The following PRKAG2 variants were observed in gnomAD, a reference collection of about 807,000 sequenced individuals.
The protein encoded by PRKAG2 is 5'-AMP-activated protein kinase subunit gamma-2.
A neutral mutation model predicts 69.6 loss-of-function variants in PRKAG2; 26 were observed. That is an observed-to-expected ratio of 0.37 (90% CI 0.27 to 0.52). The LOEUF (loss-of-function observed/expected upper bound fraction) is 0.52, where lower values mean the gene tolerates loss of function less well. Among genes scored for constraint, PRKAG2 ranks in the 20% least tolerant of loss-of-function variants. The pLI, the probability that PRKAG2 is intolerant of heterozygous loss-of-function variation, is 0.90. For missense variants in PRKAG2, 557 were observed against 740.0 expected (o/e 0.75, Z 2.87); for synonymous variants, 293 against 285.0 (o/e 1.03, Z -0.28).
chr7:151,744,977 A>G (rs539631688), intron 3 of PRKAG2, among the ~76,000 whole-genome samples: 1 of 152,326 alleles, frequency 6.6e-6, no homozygotes, highest in East Asian at 1.9e-4. Context: ...TCAAAAACCC[A>G]GAAGTTCAGA....
intron 5 of PRKAG2, among the ~76,000 whole-genome samples, chr7:151,607,576 TC>T (rs1817804286): frequency 6.6e-6 from 1 of 152,122 alleles, no homozygotes; most frequent in Non-Finnish European, 1.5e-5. Flanking sequence ...GCTCGTGTCC[TC>T]CCTACCTACA....
rs560873652 is a variant in PRKAG2, at chr7:151,593,181, A to G, written c.864+2164T>C. ...AAAGTCAAATCAGCTGTTACTTGTT[A>G]TTATTATTTTTTGAGAGTCTTGCTT... On this transcript the variant is annotated intron_variant, in intron 6 of 15. Transcript: ENST00000287878. Among the ~76,000 whole-genome samples, 9 of 152,178 alleles carry G rather than the reference A, an allele frequency of 5.9e-5. No homozygotes were observed. The South Asian group carries it at 1.9e-3, about 32-fold the overall frequency.
At chr7:151,621,078 A>C (rs1052267124) in intron 5 of PRKAG2, among the ~76,000 whole-genome samples, 1 of 152,198 alleles carries the variant, frequency 6.6e-6, no homozygotes, top group Non-Finnish European at 1.5e-5. Context: ...CTTGACCACA[A>C]TATATTCGGC....
chr7:151,865,561 C>T (rs2080043391), intron 1 of PRKAG2, among the ~76,000 whole-genome samples: 1 of 152,200 alleles, frequency 6.6e-6, no homozygotes, highest in Non-Finnish European at 1.5e-5. Flanking sequence ...ACACAACAGG[C>T]TGCGGTCAAT....
intron 3 of PRKAG2, among the ~76,000 whole-genome samples, chr7:151,701,886 G>A (rs77389131): frequency 1.3e-5 from 2 of 151,418 alleles, no homozygotes; most frequent in African/African-American, 2.4e-5. Context: ...AACTGCCAGA[G>A]GCCAGGAGGC....
chr7:151,727,721 G>A (rs887269767), intron 3 of PRKAG2, among the ~76,000 whole-genome samples: 7 of 152,060 alleles, frequency 4.6e-5, no homozygotes, highest in African/African-American at 7.2e-5. Context: ...GCGAGAAGGA[G>A]GGAGGGAGGG....
chr7:151,737,897 C>T (rs1440879863), intron 3 of PRKAG2, among the ~76,000 whole-genome samples: 2 of 151,662 alleles, frequency 1.3e-5, no homozygotes, highest in Non-Finnish European at 1.5e-5. Flanking sequence ...TCCCATGGGG[C>T]CTCCATCCAC....
intron 1 of PRKAG2, among the ~76,000 whole-genome samples, chr7:151,847,308 C>T (rs1458429547): frequency 6.6e-6 from 1 of 152,172 alleles, no homozygotes; most frequent in South Asian, 2.1e-4. Flanking sequence ...CCTGAGCTGC[C>T]GGTAATTTTC....
intron 3 of PRKAG2, among the ~76,000 whole-genome samples, chr7:151,769,869 C>T (rs113666297): frequency 4.6e-5 from 7 of 152,170 alleles, no homozygotes; most frequent in African/African-American, 7.2e-5. Context: ...CCCCAGAGTG[C>T]GTGTGTCCAC....
At chr7:151,654,666 G>C (rs867235023) in intron 4 of PRKAG2, among the ~76,000 whole-genome samples, 4 of 152,256 alleles carry the variant, frequency 2.6e-5, no homozygotes, top group Middle Eastern at 3.4e-3. Context: ...AGAGGAGGAG[G>C]AGAAATGTCA....
At chr7:151,774,192 CG>C (rs1236082333) in intron 3 of PRKAG2, among the ~76,000 whole-genome samples, 10 of 152,272 alleles carry the variant, frequency 6.6e-5, no homozygotes, top group African/African-American at 2.4e-4. Context: ...CGAATCCTCA[CG>C]CTACTGTACC....
chr7:151,805,476 A>G (rs1043099484), intron 1 of PRKAG2, among the ~76,000 whole-genome samples: 1 of 152,196 alleles, frequency 6.6e-6, no homozygotes, highest in African/African-American at 2.4e-5. Context: ...TTCAAATCAT[A>G]TTTTTAAGTT....
chr7:151,559,959 G>A (rs1804539157), intron 15 of PRKAG2: 5 of 985,230 alleles, frequency 5.1e-6, no homozygotes, highest in African/African-American at 1.7e-5. Flanking sequence ...GCCCTCTCCC[G>A]TTCTCTCTGC....
intron 3 of PRKAG2, among the ~76,000 whole-genome samples, chr7:151,680,281 T>C (rs1833649686): frequency 6.6e-6 from 1 of 152,134 alleles, no homozygotes; most frequent in Admixed American, 6.5e-5. Flanking sequence ...ATGGTGCTTT[T>C]AAAAGCAGAG....
chr7:151,599,501 A>C (rs730226), intron 5 of PRKAG2, among the ~76,000 whole-genome samples: 6,828 of 152,264 alleles, frequency 0.045, 499 homozygotes, highest in African/African-American at 0.16. Context: ...AAAACCCTTG[A>C]AGTCACCTAG....
chr7:151,777,109 G>A lies in PRKAG2; in HGVS notation c.466+4043C>T, dbSNP rs2151795059. 6.6e-6 allele frequency among the ~76,000 whole-genome samples: 1 copy of A among 152,306 alleles called. No homozygotes were observed. Among genetic ancestry groups the A allele is most frequent in the South Asian group, 2.1e-4 (1 of 4,832 alleles). On this transcript the variant is annotated intron_variant, in intron 3 of 15. Coordinates refer to ENST00000287878, the MANE Select transcript of PRKAG2 (RefSeq NM_016203.4). This position sits in a 1 kb window ranked among gnomAD's most constrained non-coding sequence, Gnocchi z 4.3. ...TCTCGGCCCCTGGCTTTAAGGAAAG[G>A]GTGGAGGGGAGTCTGGGAGCTTCCT...
At chr7:151,715,322 C>CAAAAAAAAAAAAAAAAAA (rs34971340) in intron 3 of PRKAG2, among the ~76,000 whole-genome samples, 1 of 62,458 alleles carries the variant, frequency 1.6e-5, no homozygotes, top group African/African-American at 7.1e-5. Context: ...GGCCTAAAAG[C>CAAAAAAAAAAAAAAAAAA]AAAAAAAAAA....
At chr7:151,563,958 T>C in intron 14 of PRKAG2, 120 bp downstream of exon 14, 1 of 1,377,342 alleles carries the variant, frequency 7.3e-7, no homozygotes, top group Non-Finnish European at 1.0e-6. Flanking sequence ...TCCCATCGAC[T>C]GAACCTGGAG....
chr7:151,648,628 T>G (rs1361079202), intron 4 of PRKAG2, among the ~76,000 whole-genome samples: 1 of 152,212 alleles, frequency 6.6e-6, no homozygotes, highest in Non-Finnish European at 1.5e-5. Flanking sequence ...AATGAAAATC[T>G]AAACCAGTGT....
Sources: allele counts gnomAD v4.1 joint callset (sites outside exome capture counted in the v4.1 genomes callset), GRCh38; gene constraint gnomAD v4.1.1; non-coding constraint Gnocchi (gnomAD v3.1); transcripts MANE v1.5; gene names NCBI Gene and HGNC (gene_info 2026-07-23, HGNC 2026-07-21).